MYT1L: variants seen among roughly 807,000 people sequenced by gnomAD.
MYT1L encodes myelin transcription factor 1-like protein.
Under a neutral mutation model 126.7 loss-of-function variants are expected in MYT1L, and 12 were observed. That is an observed-to-expected ratio of 0.09 (90% CI 0.06 to 0.15). MYT1L has a LOEUF of 0.15. MYT1L is among the 10% of genes least tolerant of loss of function. The probability of loss-of-function intolerance (pLI) is 1.00; values close to 1 mark genes in which losing one functional copy is unlikely to be tolerated. For missense variants in MYT1L, 979 were observed against 1,585.2 expected (o/e 0.62, Z 6.49); for synonymous variants, 541 against 604.2 (o/e 0.90, Z 1.53).
intron 18 of MYT1L, among the ~76,000 whole-genome samples, chr2:1,879,915 T>C (rs1358647094): frequency 6.6e-6 from 1 of 152,234 alleles, no homozygotes; most frequent in Non-Finnish European, 1.5e-5. Context: ...TATTAAATGT[T>C]TCATAATTTT....
intron 3 of MYT1L, among the ~76,000 whole-genome samples, chr2:2,087,574 T>C (rs796460842): frequency 1.9e-4 from 29 of 152,320 alleles, no homozygotes; most frequent in African/African-American, 7.0e-4. Flanking sequence ...TTCGGCAAGG[T>C]TGGCTTTTCA....
chr2:1,973,382 T>C (rs1374307289), intron 8 of MYT1L, among the ~76,000 whole-genome samples: 2 of 152,244 alleles, frequency 1.3e-5, no homozygotes, highest in African/African-American at 4.8e-5. Flanking sequence ...GACCATTATT[T>C]TGATGATTAA....
At chr2:2,161,900 G>GT (rs1411978052) in intron 3 of MYT1L, among the ~76,000 whole-genome samples, 1 of 152,200 alleles carries the variant, frequency 6.6e-6, no homozygotes, top group Non-Finnish European at 1.5e-5. Flanking sequence ...GAAAAGCAAA[G>GT]TTGGGGTTCT....
intron 21 of MYT1L, among the ~76,000 whole-genome samples, chr2:1,829,896 C>T (rs116152899): frequency 0.02 from 3,042 of 152,300 alleles, 44 homozygotes; most frequent in South Asian, 0.039. Context: ...CTGCACCCAG[C>T]GAACACATGG....
At position 1,848,183 on chromosome 2, in the gene MYT1L, A is replaced by G. The variant is rs923116268; in HGVS notation, c.2774+3458T>C. Among the ~76,000 whole-genome samples the G allele has an allele frequency of 6.6e-6, 1 of 152,220 alleles. No individual in the cohort carries two copies. The highest frequency in any genetic ancestry group is 6.5e-5 in the Admixed American group (1 of 15,286). ...CAGGAGAAGGCTGGGGCTTGGCCTC[A>G]GTTTTCTCTCAGATGGGAGCTGGGA... On this transcript the variant is annotated intron_variant, in intron 19 of 24. Coordinates refer to ENST00000647738, the MANE Select transcript of MYT1L (RefSeq NM_001303052.2). The surrounding 1 kb of genome is among the most constrained non-coding windows in gnomAD (Gnocchi z 4.8).
chr2:1,830,731 C>G (rs10200284), intron 21 of MYT1L, among the ~76,000 whole-genome samples: 1,654 of 152,206 alleles, frequency 0.011, 31 homozygotes, highest in African/African-American at 0.036. Flanking sequence ...GCCTGGGGAA[C>G]TGTGGAGGGT....
intron 2 of MYT1L, among the ~76,000 whole-genome samples, chr2:2,273,898 G>A (rs2095311999): frequency 6.6e-6 from 1 of 152,022 alleles, no homozygotes; most frequent in African/African-American, 2.4e-5. Context: ...ATTCTTCTTG[G>A]TATTTTTAAA....
intron 3 of MYT1L, among the ~76,000 whole-genome samples, chr2:2,072,432 C>T (rs1368477411): frequency 6.6e-6 from 1 of 152,172 alleles, no homozygotes; most frequent in African/African-American, 2.4e-5. Context: ...CAAATTATTA[C>T]CCACTGCCCC....
At chr2:1,911,903 G>A (rs947051892) in intron 12 of MYT1L, 117 bp downstream of exon 12, 17 of 690,708 alleles carry the variant, frequency 2.5e-5, no homozygotes, top group African/African-American at 9.1e-5. Flanking sequence ...GGAGGTGCCC[G>A]CACTTGGGGA....
At chr2:2,171,763 G>A (rs78049108) in intron 3 of MYT1L, among the ~76,000 whole-genome samples, 1 of 152,124 alleles carries the variant, frequency 6.6e-6, no homozygotes, top group African/African-American at 2.4e-5. Context: ...TAGAACAACT[G>A]TGACCTATTA....
intron 15 of MYT1L, among the ~76,000 whole-genome samples, chr2:1,890,608 A>T (rs72765594): frequency 3.3e-3 from 495 of 152,212 alleles, no homozygotes; most frequent in Non-Finnish European, 5.9e-3. Flanking sequence ...GCCTCTCAGG[A>T]AGAGAGTCAG....
Position 1,943,247 on chromosome 2 carries a change from C to G in MYT1L, c.240G>C (p.Val80=), listed in dbSNP as rs746694970. The G allele has an allele frequency of 2.6e-5, 41 of 1,555,552 alleles. No individual in the cohort carries two copies. In the African/African-American group the frequency reaches 4.9e-4, roughly 19 times the overall value. Reference sequence around the variant, plus strand: ...CATCCACTGAGGAGCTGTCTGCTTTCACGGCAAATGGCTTTCGTTTAGGAG... The same window carrying G: ...CATCCACTGAGGAGCTGTCTGCTTTGACGGCAAATGGCTTTCGTTTAGGAG... ...EPAPKRKPFA[V]KADSSSVDEC... Residue 80 remains valine (V), a synonymous_variant, in exon 9 of 25, where the codon GTG becomes GTC. Transcript: ENST00000647738. The surrounding 1 kb of genome is among the most constrained non-coding windows in gnomAD (Gnocchi z 4.4).
rs1376555146 is a variant in MYT1L at position 1,929,526 on chromosome 2, A to G, written c.506-6263T>C. Among the ~76,000 whole-genome samples the G allele has an allele frequency of 6.6e-6, 1 of 152,176 alleles. No homozygotes were observed. The highest frequency in any genetic ancestry group is 1.5e-5 in the Non-Finnish European group (1 of 68,020). ...CTAGCCATCACCGTCACGCTTCCCT[A>G]CTACATCTAACTCAGCAGTGCTTCT... On this transcript the variant is annotated intron_variant, in intron 9 of 24. Coordinates refer to ENST00000647738, the MANE Select transcript of MYT1L (RefSeq NM_001303052.2). The surrounding 1 kb of genome is among the most constrained non-coding windows in gnomAD (Gnocchi z 4.7).
At chr2:2,213,301 G>T (rs1447746120) in intron 2 of MYT1L, among the ~76,000 whole-genome samples, 2 of 152,186 alleles carry the variant, frequency 1.3e-5, no homozygotes, top group Non-Finnish European at 2.9e-5. Context: ...GAGAGCCAGT[G>T]AACTCAGTGA....
At chr2:2,311,695 C>T (rs1293931535) in intron 1 of MYT1L, among the ~76,000 whole-genome samples, 2 of 152,146 alleles carry the variant, frequency 1.3e-5, no homozygotes, top group Admixed American at 1.3e-4. Context: ...ATGTACATTG[C>T]TGCAAGATAG....
At chr2:1,863,031 C>T (rs2044914337) in intron 18 of MYT1L, among the ~76,000 whole-genome samples, 1 of 152,206 alleles carries the variant, frequency 6.6e-6, no homozygotes, top group African/African-American at 2.4e-5. Context: ...GGATACAGGG[C>T]TGGCCCAGAT....
In MYT1L at chr2:1,943,792, C is replaced by T. The variant is rs919964516; in HGVS notation, c.153-458G>A. 3.9e-5 allele frequency among the ~76,000 whole-genome samples: 6 copies of T among 152,072 alleles called. No individual in the cohort carries two copies. In the East Asian group the frequency reaches 7.7e-4, roughly 20 times the overall value. ...ATGTAAAATATAAAAATGTCTATGTCGTGAAAGAGCTTTGGATATATTTGG... is the reference window on the plus strand; with the variant it reads ...ATGTAAAATATAAAAATGTCTATGTTGTGAAAGAGCTTTGGATATATTTGG... On this transcript the variant is annotated intron_variant, in intron 8 of 24. Coordinates refer to ENST00000647738, the MANE Select transcript of MYT1L (RefSeq NM_001303052.2). The surrounding 1 kb of genome is among the most constrained non-coding windows in gnomAD (Gnocchi z 4.4).
rs1329813123 is a variant in MYT1L at position 1,943,703 on chromosome 2, A to G, written c.153-369T>C. On this transcript the variant is annotated intron_variant, in intron 8 of 24. Coordinates refer to ENST00000647738, the MANE Select transcript of MYT1L (RefSeq NM_001303052.2). The surrounding 1 kb of genome is among the most constrained non-coding windows in gnomAD (Gnocchi z 4.4). Reference sequence around the variant, plus strand: ...TTATGAAACATTTTACCAAATATATACTATGTATAATATACATCTGAAGCA... The same window carrying G: ...TTATGAAACATTTTACCAAATATATGCTATGTATAATATACATCTGAAGCA... Among the ~76,000 whole-genome samples, 1 of 152,192 alleles carries G rather than the reference A, an allele frequency of 6.6e-6. No homozygotes were observed. Among genetic ancestry groups the G allele is most frequent in the African/African-American group, 2.4e-5 (1 of 41,442 alleles).
chr2:1,903,951 G>A (rs538233669), intron 13 of MYT1L, among the ~76,000 whole-genome samples: 175 of 152,152 alleles, frequency 1.2e-3, no homozygotes, highest in Admixed American at 0.011. Flanking sequence ...GTGTGTGTGC[G>A]CGTGCGCGCG....
Sources: gnomAD v4.1 joint callset for allele counts (sites outside exome capture counted in the v4.1 genomes callset) on GRCh38, gnomAD v4.1.1 for gene constraint, Gnocchi (gnomAD v3.1) non-coding constraint, MANE v1.5 for transcripts, NCBI Gene and HGNC (gene_info 2026-07-23, HGNC 2026-07-21) for gene names.